Variants in HOXB3 observed in about 807,000 individuals in gnomAD.
The protein encoded by HOXB3 is homeobox B3.
HOXB3 carries 17 observed loss-of-function variants against 29.2 expected under a neutral mutation model. The observed-to-expected ratio is 0.58, with a 90% CI of 0.40 to 0.87. The LOEUF (loss-of-function observed/expected upper bound fraction) is 0.87, where lower values mean the gene tolerates loss of function less well. Ranked by LOEUF, HOXB3 falls within the 40% of genes least tolerant of loss-of-function variation. The pLI, the probability that HOXB3 is intolerant of heterozygous loss-of-function variation, is 0.00. For synonymous variants in HOXB3, 317 were observed against 285.9 expected, an observed-to-expected ratio of 1.11 and a Z score of -1.10; for missense variants, 637 against 616.3, an observed-to-expected ratio of 1.03 and a Z score of -0.35.
At chr17:48,568,175 G>T (rs1393694120) in intron 2 of HOXB3, among the ~76,000 whole-genome samples, 1 of 152,144 alleles carries the variant, frequency 6.6e-6, no homozygotes, top group African/African-American at 2.4e-5. Flanking sequence ...TCAGAGTTGG[G>T]TTTGTTCATC....
intron 1 of HOXB3, among the ~76,000 whole-genome samples, chr17:48,588,436 C>T (rs896953080): frequency 2.0e-5 from 3 of 152,188 alleles, no homozygotes; most frequent in Admixed American, 1.3e-4. Context: ...GCAGGCCTTA[C>T]TATCTGGGGT....
In HOXB3 at chr17:48,578,589, G is replaced by T. The variant is rs1022321697; in HGVS notation, c.-424-4575C>A. ...ACACCAGGATTTACATAGGGCTCCTGCGGGGCGACCCCCTCCTTGCCTCGC... is the reference window on the plus strand; with the variant it reads ...ACACCAGGATTTACATAGGGCTCCTTCGGGGCGACCCCCTCCTTGCCTCGC... On this transcript the variant is annotated intron_variant, in intron 1 of 4. Transcript: ENST00000498678. 1.9e-5 allele frequency: 7 copies of T among 373,456 alleles called. No homozygotes were observed. In the Admixed American group the frequency reaches 2.8e-4, roughly 15 times the overall value. 23.1% of individuals were successfully genotyped at this position (373,456 alleles called of 1,614,324 possible). A position where few individuals can be genotyped will look rare whatever the true frequency, so the allele number is the denominator to read the frequency against.
intron 1 of HOXB3, among the ~76,000 whole-genome samples, chr17:48,585,161 C>G (rs1205124823): frequency 3.3e-5 from 5 of 152,120 alleles, no homozygotes; most frequent in Admixed American, 2.0e-4. Flanking sequence ...AGTCTTTTGA[C>G]TATTAAATAA....
chr17:48,554,587 G>C lies in HOXB3; in HGVS notation c.-159+944C>G. 1.4e-6 allele frequency: 1 copy of C among 699,126 alleles called. No individual in the cohort carries two copies. The highest frequency in any genetic ancestry group is 1.5e-5 in the South Asian group (1 of 67,432). The allele number at this position is 699,126 out of a possible 1,614,324, so 43.3% of individuals were successfully genotyped here. On this transcript the variant is annotated intron_variant, in intron 3 of 4. Transcript: ENST00000498678. The surrounding 1 kb of genome is among the most constrained non-coding windows in gnomAD (Gnocchi z 4.1). ...CTGCTGCTGCCAGGCTGCCTCAGCC[G>C]GTCGCTGCTGCCGCGGCGACTGGCG...
chr17:48,568,651 G>GCACA (rs1491485443), intron 2 of HOXB3, among the ~76,000 whole-genome samples: 5 of 149,644 alleles, frequency 3.3e-5, no homozygotes, highest in African/African-American at 9.8e-5. Context: ...ACACACGCGC[G>GCACA]GACACACACA....
At chr17:48,557,978 C>T (rs1343196597) in intron 2 of HOXB3, among the ~76,000 whole-genome samples, 1 of 151,900 alleles carries the variant, frequency 6.6e-6, no homozygotes, top group East Asian at 1.9e-4. Flanking sequence ...GGGACTCAGG[C>T]CAGGGAGGCT....
intron 1 of HOXB3, chr17:48,578,155 C>G (rs1308987061): frequency 7.5e-6 from 12 of 1,597,462 alleles, no homozygotes; most frequent in Non-Finnish European, 9.4e-6. Context: ...CCGCGCGCCG[C>G]CCGAAGCCCG....
chr17:48,577,780 ACC>A, intron 1 of HOXB3: 1 of 1,166,046 alleles, frequency 8.6e-7, no homozygotes, highest in Non-Finnish European at 1.1e-6. Flanking sequence ...CCCCAGCTCA[ACC>A]CCCCCCCAAC....
chr17:48,587,059 G>A (rs1268245857), intron 1 of HOXB3, among the ~76,000 whole-genome samples: 6 of 152,168 alleles, frequency 3.9e-5, no homozygotes, highest in Admixed American at 2.6e-4. Flanking sequence ...AGACTTGTGT[G>A]TGGAGTTGAC....
At chr17:48,567,205 C>G (rs540129309) in intron 2 of HOXB3, among the ~76,000 whole-genome samples, 20 of 152,204 alleles carry the variant, frequency 1.3e-4, no homozygotes, top group Non-Finnish European at 2.1e-4. Context: ...GGATGAGACT[C>G]AGTGTTCACT....
chr17:48,570,609 G>T (rs1167438046), intron 2 of HOXB3, among the ~76,000 whole-genome samples: 1 of 152,216 alleles, frequency 6.6e-6, no homozygotes, highest in Non-Finnish European at 1.5e-5. Context: ...GGACCCGGTT[G>T]TCTTAACAAG....
intron 1 of HOXB3, chr17:48,576,980 C>A: frequency 6.2e-7 from 1 of 1,610,960 alleles, no homozygotes; most frequent in Admixed American, 1.7e-5. Context: ...TGTAGGCGGT[C>A]CGAGAGCGCT....
chr17:48,559,003 GAC>G, intron 2 of HOXB3, among the ~76,000 whole-genome samples: 1 of 151,542 alleles, frequency 6.6e-6, no homozygotes, highest in South Asian at 2.1e-4. Flanking sequence ...TTGAGTAAGA[GAC>G]AGAGACACTA....
Position 48,552,098 on chromosome 17 carries a change from G to A in HOXB3, c.377C>T (p.Thr126Ile). ...KCGPGTNSTL[T>I]KQIFPWMKES... Reference sequence around the variant, plus strand: ...TTTCATCCAGGGGAATATCTGTTTGGTGAGGGTGGAGTTGGTGCCGGGACC... The same window carrying A: ...TTTCATCCAGGGGAATATCTGTTTGATGAGGGTGGAGTTGGTGCCGGGACC... Residue 126 changes from threonine to isoleucine, a missense_variant, in exon 4 of 5, where the codon ACC becomes ATC. Transcript: ENST00000498678. 1.2e-6 allele frequency: 2 copies of A among 1,612,898 alleles called. No homozygotes were observed. The highest frequency in any genetic ancestry group is 1.7e-6 in the Non-Finnish European group (2 of 1,179,232).
chr17:48,560,784 C>G (rs547170513), intron 2 of HOXB3, among the ~76,000 whole-genome samples: 2 of 152,284 alleles, frequency 1.3e-5, no homozygotes, highest in South Asian at 4.1e-4. Context: ...GCTGTGGCAC[C>G]CTGTGTGTGC....
At position 48,584,319 on chromosome 17, in the gene HOXB3, G is replaced by T. The variant is rs537207869; in HGVS notation, c.-425+5806C>A. Among the ~76,000 whole-genome samples, 39 of 152,334 alleles carry T rather than the reference G, an allele frequency of 2.6e-4. No individual in the cohort carries two copies. In the South Asian group the frequency reaches 5.2e-3, roughly 20 times the overall value. On this transcript the variant is annotated intron_variant, in intron 1 of 4. Transcript: ENST00000498678. ...AATTAACAAGCTAATCTTTCAGTAG[G>T]CAAGTTCTTAAACTGGAGCAATTTG...
At chr17:48,572,259 C>T (rs2069609348) in intron 2 of HOXB3, among the ~76,000 whole-genome samples, 1 of 152,144 alleles carries the variant, frequency 6.6e-6, no homozygotes, top group Non-Finnish European at 1.5e-5. Flanking sequence ...GTGAGGCACT[C>T]CAAGGGCTTT....
intron 2 of HOXB3, among the ~76,000 whole-genome samples, chr17:48,566,817 C>T (rs987202865): frequency 1.3e-5 from 2 of 152,182 alleles, no homozygotes; most frequent in East Asian, 1.9e-4. Flanking sequence ...GGAGAACGCA[C>T]CCTCTTCACA....
chr17:48,554,369 A>C lies in HOXB3; in HGVS notation c.-159+1162T>G. 1 of 482,320 alleles carries C rather than the reference A, an allele frequency of 2.1e-6. No individual in the cohort carries two copies. The highest frequency in any genetic ancestry group is 3.7e-6 in the Non-Finnish European group (1 of 268,806). 29.9% of individuals were successfully genotyped at this position (482,320 alleles called of 1,614,324 possible). ...GATGATGATGATAGTAATAATAATA[A>C]AACAATAATTTAACTAGATGCCTGG... is the stretch of plus-strand genomic sequence containing the variant. On this transcript the variant is annotated intron_variant, in intron 3 of 4. Transcript: ENST00000498678. The surrounding 1 kb of genome is among the most constrained non-coding windows in gnomAD (Gnocchi z 4.1).
Sources: gnomAD v4.1 joint callset for allele counts (sites outside exome capture counted in the v4.1 genomes callset) on GRCh38, gnomAD v4.1.1 for gene constraint, Gnocchi (gnomAD v3.1) non-coding constraint, MANE v1.5 for transcripts, NCBI Gene and HGNC (gene_info 2026-07-23, HGNC 2026-07-21) for gene names.